The following RHNO1 variants were observed in gnomAD, a reference collection of about 807,000 sequenced individuals.
The protein encoded by RHNO1 is RAD9, HUS1, RAD1-interacting nuclear orphan protein 1.
In RHNO1, 9 loss-of-function variants were observed where a neutral mutation model predicts 7.2. The observed-to-expected ratio is 1.25, with a 90% CI of 0.75 to 2.18. The LOEUF (loss-of-function observed/expected upper bound fraction) is 2.18, where lower values mean the gene tolerates loss of function less well. Ranked by LOEUF, RHNO1 falls within the 30% of genes most tolerant of loss-of-function variation. The pLI is 0.00. For missense variants in RHNO1, 292 were observed against 284.5 expected (o/e 1.03, Z -0.19); for synonymous variants, 95 against 107.5 (o/e 0.88, Z 0.72).
chr12:2,883,503 ATATATATATTTTTTTT>A (rs1438208311), intron 1 of RHNO1, among the ~76,000 whole-genome samples: 170 of 34,774 alleles, frequency 4.9e-3, no homozygotes, highest in African/African-American at 0.022. Context: ...ATATATATAT[ATATATATATTTTTTTT>A]TTTTTTTTTT....
intron 1 of RHNO1, among the ~76,000 whole-genome samples, chr12:2,882,735 G>A (rs1020310694): frequency 1.3e-5 from 2 of 151,936 alleles, no homozygotes; most frequent in South Asian, 4.2e-4. Context: ...AATCAAACAG[G>A]TCAAGGGGTT....
Position 2,885,336 on chromosome 12 carries a change from T to G in RHNO1, c.-31T>G. 6.3e-7 allele frequency: 1 copy of G among 1,598,662 alleles called. No individual in the cohort carries two copies. The highest frequency in any genetic ancestry group is 8.5e-7 in the Non-Finnish European group (1 of 1,172,134). On this transcript the variant is annotated 5_prime_UTR_variant, in exon 2 of 3. Coordinates refer to ENST00000489288, the MANE Select transcript of RHNO1 (RefSeq NM_001252499.3). ...CAACCCGAAGGCTAACAGCATCATG[T>G]GGTTACTAACTGTTCCTCATTCACC...
intron 1 of RHNO1, among the ~76,000 whole-genome samples, chr12:2,884,698 A>T (rs949701305): frequency 1.3e-5 from 2 of 151,624 alleles, no homozygotes; most frequent in African/African-American, 4.9e-5. Flanking sequence ...TCAGCCTGAC[A>T]CCATGTTTAT....
At chr12:2,880,362 A>G (rs2098155846) in intron 1 of RHNO1, among the ~76,000 whole-genome samples, 1 of 151,820 alleles carries the variant, frequency 6.6e-6, no homozygotes, top group African/African-American at 2.4e-5. Context: ...CACGCCTGTA[A>G]TCCCAGCACT....
intron 1 of RHNO1, among the ~76,000 whole-genome samples, chr12:2,879,481 C>T (rs1012833305): frequency 6.6e-6 from 1 of 151,722 alleles, no homozygotes; most frequent in Non-Finnish European, 1.5e-5. Context: ...TACAGGTGCA[C>T]GCAGCCGTGC....
rs76524315 is a variant in RHNO1 at position 2,889,414 on chromosome 12, A to G, written c.*955A>G. On this transcript the variant is annotated 3_prime_UTR_variant, in exon 3 of 3. Transcript: ENST00000489288. Reference sequence around the variant, plus strand: ...TGTGTGTAAATAAGGAAAGTTTTCAATGAGTATTACTTATTGTAATTAATG... The same window carrying G: ...TGTGTGTAAATAAGGAAAGTTTTCAGTGAGTATTACTTATTGTAATTAATG... 2 of 152,336 alleles carry G rather than the reference A, an allele frequency of 1.3e-5. No homozygotes were observed. The highest frequency in any genetic ancestry group is 4.8e-5 in the African/African-American group (2 of 41,572). The allele number at this position is 152,336 out of a possible 1,614,324, so 9.4% of individuals were successfully genotyped here. A position where few individuals can be genotyped will look rare whatever the true frequency, so the allele number is the denominator to read the frequency against.
chr12:2,887,901 T>A lies in RHNO1; in HGVS notation c.169-10T>A. The A allele has an allele frequency of 6.5e-7, 1 of 1,539,404 alleles. No individual in the cohort carries two copies. Among genetic ancestry groups the A allele is most frequent in the South Asian group, 1.3e-5 (1 of 76,556 alleles). On this transcript the variant is annotated splice_polypyrimidine_tract_variant and intron_variant, in intron 2 of 2. Transcript: ENST00000489288. ...AGTTAGGCTCACCTCACTTTTTTTTTTTTTTTAAGGTATCACCTGATTTTG... is the reference window on the plus strand; with the variant it reads ...AGTTAGGCTCACCTCACTTTTTTTTATTTTTTAAGGTATCACCTGATTTTG...
chr12:2,876,811 C>T (rs1311229621), upstream of RHNO1: 3 of 152,712 alleles, frequency 2.0e-5, no homozygotes, highest in Non-Finnish European at 2.9e-5. Flanking sequence ...CAAATCTCCA[C>T]TCGTGGCCCG....
chr12:2,885,741 AT>A (rs971780019), intron 2 of RHNO1: 17 of 434,850 alleles, frequency 3.9e-5, no homozygotes, highest in East Asian at 2.1e-4. Flanking sequence ...CGCCCGGCTA[AT>A]TTTTTTGTAT....
In RHNO1 at chr12:2,888,244, G is replaced by T. The variant is rs912874245; in HGVS notation, c.502G>T (p.Glu168Ter). 6.2e-7 allele frequency: 1 copy of T among 1,613,978 alleles called. No homozygotes were observed. The highest frequency in any genetic ancestry group is 2.2e-5 in the East Asian group (1 of 44,882). ...CCCAGAGTCATCGTCTGTGAAGGAA[G>T]AACTCATTCCCCAAGATCAGAAGGA... ...QTPESSSVKEELIPQDQKENS... is the reference protein window; with the variant it reads ...QTPESSSVKE Residue 168 changes from glutamate (E) to a stop codon, truncating the protein, a stop_gained, in exon 3 of 3, where the codon GAA (glutamate) becomes TAA (stop). Coordinates refer to ENST00000489288, the MANE Select transcript of RHNO1 (RefSeq NM_001252499.3). LOFTEE classifies it low-confidence loss of function (END_TRUNC).
Position 2,887,790 on chromosome 12 carries a change from A to G in RHNO1, c.169-121A>G. ...CCTGTTATTATGCCATTAGACAGTT[A>G]TTTTAGTTTTGTGTTCATTACTACA... On this transcript the variant is annotated intron_variant, in intron 2 of 2. Transcript: ENST00000489288. 3 of 740,636 alleles carry G rather than the reference A, an allele frequency of 4.1e-6. No homozygotes were observed. The South Asian group carries it at 7.0e-5, about 17-fold the overall frequency. 45.9% of individuals were successfully genotyped at this position (740,636 alleles called of 1,614,324 possible).
chr12:2,881,195 C>T (rs778603461), intron 1 of RHNO1, among the ~76,000 whole-genome samples: 8 of 151,906 alleles, frequency 5.3e-5, no homozygotes, highest in East Asian at 1.9e-4. Flanking sequence ...CTCCGCCTCC[C>T]GGGTTCAAGC....
chr12:2,888,392 A>G lies in RHNO1; in HGVS notation c.650A>G (p.Gln217Arg), dbSNP rs376987704. Residue 217 changes from glutamine (Q) to arginine (R), a missense_variant, in exon 3 of 3, where the codon CAG becomes CGG. Physicochemically the swap from Gln to Arg is conservative, Grantham distance 43. Coordinates refer to ENST00000489288, the MANE Select transcript of RHNO1 (RefSeq NM_001252499.3). ...YGIKVTWRRR[Q>R]HLLAYLRERG... ...ATAAAGGTCACATGGAGGAGACGAC[A>G]GCACCTGCTTGCTTACCTCAGGGAG... The G allele has an allele frequency of 6.2e-7, 1 of 1,613,064 alleles. No individual in the cohort carries two copies. Among genetic ancestry groups the G allele is most frequent in the Non-Finnish European group, 8.5e-7 (1 of 1,179,604 alleles).
Position 2,888,490 on chromosome 12 carries a change from T to G in RHNO1, c.*31T>G, listed in dbSNP as rs376902913. The G allele has an allele frequency of 3.4e-5, 51 of 1,515,462 alleles. No homozygotes were observed. Among genetic ancestry groups the G allele is most frequent in the Non-Finnish European group, 4.0e-5 (45 of 1,133,646 alleles). The allele number at this position is 1,515,462 out of a possible 1,614,324, so 93.9% of individuals were successfully genotyped here. A position where few individuals can be genotyped will look rare whatever the true frequency, so the allele number is the denominator to read the frequency against. The stretch of plus-strand genomic sequence containing the variant: ...ATCAGTAATCTCAATAGAAAAGAGA[T>G]ATGTTTTCTGGAGTCATAAAGGAAT... On this transcript the variant is annotated 3_prime_UTR_variant, in exon 3 of 3. Transcript: ENST00000489288.
intron 2 of RHNO1, chr12:2,885,795 T>C: frequency 1.0e-5 from 3 of 291,658 alleles, no homozygotes; most frequent in Non-Finnish European, 1.3e-5. Context: ...CAGGATGGTC[T>C]CTATCTCCTG....
chr12:2,884,221 C>T (rs932673251), intron 1 of RHNO1, among the ~76,000 whole-genome samples: 2 of 151,718 alleles, frequency 1.3e-5, no homozygotes, highest in Non-Finnish European at 2.9e-5. Flanking sequence ...CCACCACACC[C>T]GGCTAATCTT....
chr12:2,887,419 A>G (rs1468154690), intron 2 of RHNO1, among the ~76,000 whole-genome samples: 1 of 150,046 alleles, frequency 6.7e-6, no homozygotes, highest in African/African-American at 2.5e-5. Flanking sequence ...CGGAGGTTGC[A>G]GTGAGCAGAG....
At position 2,888,486 on chromosome 12, in the gene RHNO1, G is replaced by A. The variant is rs769790532; in HGVS notation, c.*27G>A. The A allele has an allele frequency of 4.6e-6, 7 of 1,514,074 alleles. No homozygotes were observed. Among genetic ancestry groups the A allele is most frequent in the Non-Finnish European group, 6.2e-6 (7 of 1,131,032 alleles). The allele number at this position is 1,514,074 out of a possible 1,614,324, so 93.8% of individuals were successfully genotyped here. A position where few individuals can be genotyped will look rare whatever the true frequency, so the allele number is the denominator to read the frequency against. Reference sequence around the variant, plus strand: ...TGCCATCAGTAATCTCAATAGAAAAGAGATATGTTTTCTGGAGTCATAAAG... The same window carrying A: ...TGCCATCAGTAATCTCAATAGAAAAAAGATATGTTTTCTGGAGTCATAAAG... On this transcript the variant is annotated 3_prime_UTR_variant, in exon 3 of 3. Transcript: ENST00000489288.
chr12:2,877,734 C>T (rs1202540592), intron 1 of RHNO1, among the ~76,000 whole-genome samples: 2 of 152,206 alleles, frequency 1.3e-5, no homozygotes, highest in Non-Finnish European at 2.9e-5. Context: ...GACCGTAGTG[C>T]TTTATTTATT....
Sources: allele counts gnomAD v4.1 joint callset (sites outside exome capture counted in the v4.1 genomes callset), GRCh38; gene constraint gnomAD v4.1.1; transcripts MANE v1.5; gene names NCBI Gene and HGNC (gene_info 2026-07-23, HGNC 2026-07-21).